Variants in LIPH observed in about 807,000 individuals in gnomAD.
The protein encoded by LIPH is lipase member H.
LIPH carries 32 observed loss-of-function variants against 47.6 expected under a neutral mutation model. That is an observed-to-expected ratio of 0.67 (90% CI 0.51 to 0.90). The LOEUF is 0.90. Among genes scored for constraint, LIPH ranks in the 40% least tolerant of loss-of-function variants. LIPH has a pLI of 0.00. For synonymous variants in LIPH, 190 were observed against 195.6 expected, an observed-to-expected ratio of 0.97 and a Z score of 0.24; for missense variants, 497 against 541.4, an observed-to-expected ratio of 0.92 and a Z score of 0.81.
intron 3 of LIPH, among the ~76,000 whole-genome samples, chr3:185,531,084 A>C (rs1469630468): frequency 6.6e-6 from 1 of 152,196 alleles, no homozygotes; most frequent in Non-Finnish European, 1.5e-5. Context: ...ATTAGCTTCC[A>C]GTGTCAGAAA....
At chr3:185,527,454 G>T (rs1231570995) in intron 4 of LIPH, 30 bp downstream of exon 4, 5 of 1,454,354 alleles carry the variant, frequency 3.4e-6, no homozygotes, top group Non-Finnish European at 4.8e-6. Context: ...GCCTGGCGGT[G>T]TCACTGACCC....
intron 5 of LIPH, among the ~76,000 whole-genome samples, chr3:185,522,431 AAGAAG>A (rs1211177851): frequency 6.6e-6 from 1 of 151,710 alleles, no homozygotes; most frequent in African/African-American, 2.4e-5. Flanking sequence ...ATCGCAAAGA[AAGAAG>A]AGAAAGGAAG....
chr3:185,519,955 T>G (rs1457697695), intron 5 of LIPH, among the ~76,000 whole-genome samples: 1 of 150,920 alleles, frequency 6.6e-6, no homozygotes, highest in Non-Finnish European at 1.5e-5. Context: ...AAATCGTGCT[T>G]ATTAAAATAC....
chr3:185,527,381 G>A (rs2148954751), intron 4 of LIPH, 103 bp downstream of exon 4: 3 of 876,866 alleles, frequency 3.4e-6, no homozygotes, highest in Non-Finnish European at 5.9e-6. Context: ...AAAAAAGTTA[G>A]AATCTAGAGG....
intron 8 of LIPH, among the ~76,000 whole-genome samples, 197 bp downstream of exon 8, chr3:185,514,213 C>G (rs920178929): frequency 6.6e-6 from 1 of 151,962 alleles, no homozygotes; most frequent in African/African-American, 2.4e-5. Context: ...GGAAAGAAAA[C>G]CCTTGCACCA....
chr3:185,509,011 G>A, intron 9 of LIPH, 134 bp from the exon 10 acceptor site: 2 of 683,852 alleles, frequency 2.9e-6, no homozygotes, highest in Admixed American at 2.1e-5. Context: ...ACGGTGGCCA[G>A]GCACGGTGAC....
rs142364698 is a variant in LIPH at position 185,516,260 on chromosome 3, C to G, written c.982+807G>C. 1.5e-3 allele frequency among the ~76,000 whole-genome samples: 235 copies of G among 152,198 alleles called. 1 individual carries two copies. Among genetic ancestry groups the G allele is most frequent in the African/African-American group, 5.4e-3 (226 of 41,536 alleles). On this transcript the variant is annotated intron_variant, in intron 7 of 9. Transcript: ENST00000296252. ...CCAGCCTGGCCAACATGGCAAAACC[C>G]CGTCTCTACTAAAAATACAAAAATT... is the stretch of plus-strand genomic sequence containing the variant.
At position 185,535,015 on chromosome 3, in the gene LIPH, G is replaced by A. The variant is rs1267407220; in HGVS notation, c.167C>T (p.Thr56Ile). The A allele has an allele frequency of 1.2e-6, 2 of 1,613,770 alleles. No individual in the cohort carries two copies. Among genetic ancestry groups the A allele is most frequent in the Admixed American group, 1.7e-5 (1 of 59,946 alleles). The change falls in exon 2 of 10, where the codon ACC (threonine) becomes ATC (isoleucine). Residue 56 changes from threonine (T) to isoleucine (I), a missense_variant. By Grantham distance (89) the Thr-to-Ile change is moderately conservative. Coordinates refer to ENST00000296252, the MANE Select transcript of LIPH (RefSeq NM_139248.3). ...GTTCCCAAAAGCTGAGGAGTTGATG[G>A]TTTGTGCGCAGGTCAGGTTTTTCCT... ...YTRKNLTCAQ[T>I]INSSAFGNLN...
chr3:185,519,797 A>G (rs1045286697), intron 5 of LIPH, among the ~76,000 whole-genome samples: 1 of 118,502 alleles, frequency 8.4e-6, no homozygotes, highest in Admixed American at 1.2e-4. Context: ...AGATTGTGCC[A>G]TTGCACTCCA....
At chr3:185,509,369 T>G (rs1192065656) in intron 9 of LIPH, among the ~76,000 whole-genome samples, 1 of 151,756 alleles carries the variant, frequency 6.6e-6, no homozygotes. Context: ...TGGTTCACGC[T>G]TGTAATCCCA....
chr3:185,520,144 A>G (rs1237261801), intron 5 of LIPH, among the ~76,000 whole-genome samples: 2 of 152,192 alleles, frequency 1.3e-5, no homozygotes, highest in Admixed American at 1.3e-4. Flanking sequence ...CATCAAGCTG[A>G]CATGGTGAGG....
At chr3:185,510,064 A>G (rs997323994) in intron 9 of LIPH, among the ~76,000 whole-genome samples, 1 of 150,360 alleles carries the variant, frequency 6.7e-6, no homozygotes, top group African/African-American at 2.5e-5. Flanking sequence ...TTCCTGCCTC[A>G]GCCTCCCGAG....
At chr3:185,516,546 G>A (rs981886723) in intron 7 of LIPH, among the ~76,000 whole-genome samples, 9 of 152,320 alleles carry the variant, frequency 5.9e-5, no homozygotes, top group Non-Finnish European at 7.4e-5. Context: ...TTCCCAAGGC[G>A]TCTAATCATT....
At chr3:185,510,188 AT>A (rs1216178345) in intron 9 of LIPH, among the ~76,000 whole-genome samples, 1 of 152,058 alleles carries the variant, frequency 6.6e-6, no homozygotes. Context: ...ACCTCAGGTG[AT>A]CCGCCCACTT....
chr3:185,524,186 A>G (rs778173776), intron 4 of LIPH, 26 bp from the exon 5 acceptor site: 5 of 1,394,676 alleles, frequency 3.6e-6, no homozygotes, highest in Admixed American at 1.7e-5. Context: ...TTCTGCTTTT[A>G]TACTCCTTTG....
chr3:185,532,856 T>G (rs1260863463), intron 3 of LIPH, among the ~76,000 whole-genome samples: 1 of 152,102 alleles, frequency 6.6e-6, no homozygotes, highest in African/African-American at 2.4e-5. Flanking sequence ...CTTGTGGCCC[T>G]AAAAGTTTAC....
intron 3 of LIPH, among the ~76,000 whole-genome samples, chr3:185,529,630 T>C (rs528302604): frequency 6.6e-6 from 1 of 151,372 alleles, no homozygotes; most frequent in African/African-American, 2.4e-5. Context: ...GTGGCTTACA[T>C]CTATAATCCT....
At chr3:185,519,689 C>T (rs1162317123) in intron 5 of LIPH, among the ~76,000 whole-genome samples, 2 of 151,196 alleles carry the variant, frequency 1.3e-5, no homozygotes, top group African/African-American at 2.4e-5. Flanking sequence ...TACAAAAATT[C>T]GCTGGGCGTG....
chr3:185,539,113 C>T lies in LIPH; in HGVS notation c.50-3981G>A, dbSNP rs752028965. On this transcript the variant is annotated intron_variant, in intron 1 of 9. Coordinates refer to ENST00000296252, the MANE Select transcript of LIPH (RefSeq NM_139248.3). ...TCTCCCAAGTAGCTGGGACTACAGG[C>T]GCGTGCCATCATGCCCAGCTAATTT... Among the ~76,000 whole-genome samples, 26 of 151,734 alleles carry T rather than the reference C, an allele frequency of 1.7e-4. No individual in the cohort carries two copies. The East Asian group carries it at 2.3e-3, about 14-fold the overall frequency.
Sources: gnomAD v4.1 joint callset for allele counts (sites outside exome capture counted in the v4.1 genomes callset) on GRCh38, gnomAD v4.1.1 for gene constraint, MANE v1.5 for transcripts, NCBI Gene and HGNC (gene_info 2026-07-23, HGNC 2026-07-21) for gene names.